MCF2L: variants seen among roughly 807,000 people sequenced by gnomAD.
The protein encoded by MCF2L is MCF.2 cell line derived transforming sequence like, also known as guanine nucleotide exchange factor DBS.
A neutral mutation model predicts 153.4 loss-of-function variants in MCF2L; 97 were observed. The observed-to-expected ratio is 0.63, with a 90% CI of 0.54 to 0.75. The LOEUF is 0.75. Among genes scored for constraint, MCF2L ranks in the 30% least tolerant of loss-of-function variants. The pLI is 0.00. For synonymous variants in MCF2L, 659 were observed against 632.2 expected (o/e 1.04, Z -0.64); for missense variants, 1,347 against 1,495.2 (o/e 0.90, Z 1.64).
chr13:113,095,168 G>A (rs936375650), intron 27 of MCF2L: 2 of 1,256,976 alleles, frequency 1.6e-6, no homozygotes, highest in Non-Finnish European at 2.1e-6. Flanking sequence ...AATGTCAGAA[G>A]CAAGAAAAAG....
In MCF2L at chr13:113,011,942, G is replaced by A. The variant is rs1412022855; in HGVS notation, c.80-2821G>A. On this transcript the variant is annotated intron_variant, in intron 1 of 29. Coordinates refer to ENST00000535094, the MANE Select transcript of MCF2L (RefSeq NM_001112732.3). ...CGGACGGTGGACAGGCGGTGTGGAT[G>A]GTGGACAGGCGGTGTGGACGGTGGA... is the stretch of plus-strand genomic sequence containing the variant. 5.9e-5 allele frequency among the ~76,000 whole-genome samples: 7 copies of A among 117,780 alleles called. 1 individual carries two copies. The highest frequency in any genetic ancestry group is 1.1e-4 in the Non-Finnish European group (6 of 53,262). 77.3% of individuals were successfully genotyped at this position (117,780 alleles called of 152,430 possible).
intron 3 of MCF2L, chr13:113,026,862 TC>T: frequency 2.8e-6 from 2 of 727,158 alleles, no homozygotes; most frequent in Non-Finnish European, 5.1e-6. Flanking sequence ...GTTCTGTGTC[TC>T]CCCAGCGGCG....
At chr13:113,041,548 C>T (rs1040927341) in intron 3 of MCF2L, among the ~76,000 whole-genome samples, 5 of 151,550 alleles carry the variant, frequency 3.3e-5, no homozygotes, top group Admixed American at 1.3e-4. Flanking sequence ...GCCCTGCCCC[C>T]ATGACCACAG....
At chr13:112,988,515 C>A (rs1159673159) in intron 1 of MCF2L, among the ~76,000 whole-genome samples, 1 of 150,496 alleles carries the variant, frequency 6.6e-6, no homozygotes, top group South Asian at 2.1e-4. Flanking sequence ...GGAGCTACCA[C>A]ACCCGAGTCC....
intron 2 of MCF2L, chr13:112,917,670 C>A (rs534310397): frequency 6.0e-6 from 1 of 166,736 alleles, no homozygotes; most frequent in South Asian, 1.6e-4. Context: ...GGCCGCAGTT[C>A]CCCCTGATGT....
intron 2 of MCF2L, among the ~76,000 whole-genome samples, chr13:112,919,415 C>T (rs1284720575): frequency 2.0e-5 from 3 of 151,846 alleles, no homozygotes; most frequent in African/African-American, 7.3e-5. Context: ...CCGTTTTAGC[C>T]GGGATGCTCT....
intron 2 of MCF2L, among the ~76,000 whole-genome samples, chr13:112,962,183 A>C (rs1259319144): frequency 6.6e-6 from 1 of 150,930 alleles, no homozygotes; most frequent in Admixed American, 6.6e-5. Flanking sequence ...ATGCACACAC[A>C]CGCATGCACA....
chr13:112,919,760 C>T (rs1238753331), intron 2 of MCF2L, among the ~76,000 whole-genome samples: 1 of 152,088 alleles, frequency 6.6e-6, no homozygotes, highest in Admixed American at 6.5e-5. Flanking sequence ...CTCTTGATAA[C>T]AGTATTCATT....
chr13:112,972,857 A>T (rs867070348), intron 1 of MCF2L, among the ~76,000 whole-genome samples: 3 of 19,102 alleles, frequency 1.6e-4, no homozygotes, highest in African/African-American at 3.8e-4. Context: ...GGATGGATGG[A>T]TGGATGAGCA....
At position 112,984,825 on chromosome 13, in the gene MCF2L, C is replaced by T. The variant is rs181271180; in HGVS notation, c.79+15367C>T. Among the ~76,000 whole-genome samples, 9 of 152,288 alleles carry T rather than the reference C, an allele frequency of 5.9e-5. No individual in the cohort carries two copies. The East Asian group carries it at 1.5e-3, about 26-fold the overall frequency. Reference sequence around the variant, plus strand: ...GGAGAGGGCGTCAGGATGCAGGTCCCGGTGTCTCTGTGCAGCTCATCCTCC... The same window carrying T: ...GGAGAGGGCGTCAGGATGCAGGTCCTGGTGTCTCTGTGCAGCTCATCCTCC... On this transcript the variant is annotated intron_variant, in intron 1 of 29. Coordinates refer to ENST00000535094, the MANE Select transcript of MCF2L (RefSeq NM_001112732.3).
At chr13:112,974,567 A>G (rs2082154492) in intron 1 of MCF2L, among the ~76,000 whole-genome samples, 1 of 152,208 alleles carries the variant, frequency 6.6e-6, no homozygotes, top group Non-Finnish European at 1.5e-5. Flanking sequence ...TTGATCATCA[A>G]TACCAGCTGA....
At chr13:113,061,736 CCT>C in intron 5 of MCF2L, among the ~76,000 whole-genome samples, 1 of 96,692 alleles carries the variant, frequency 1.0e-5, no homozygotes, top group East Asian at 4.2e-4. Context: ...CCCTCCCCTC[CCT>C]CTTCCCTTTC....
chr13:112,900,819 G>A (rs2081112790), intron 1 of MCF2L, among the ~76,000 whole-genome samples: 1 of 152,172 alleles, frequency 6.6e-6, no homozygotes, highest in Non-Finnish European at 1.5e-5. Context: ...TGCTCTCCAG[G>A]GCCGGGCATT....
At chr13:113,036,369 A>G (rs544394862) in intron 3 of MCF2L, among the ~76,000 whole-genome samples, 1 of 152,184 alleles carries the variant, frequency 6.6e-6, no homozygotes, top group Non-Finnish European at 1.5e-5. Flanking sequence ...TTTCTTTATG[A>G]ATGTGTTGGG....
intron 15 of MCF2L, 48 bp from the exon 16 acceptor site, chr13:113,081,165 G>A: frequency 1.3e-6 from 2 of 1,483,864 alleles, no homozygotes; most frequent in Non-Finnish European, 1.8e-6. Context: ...GACCATTCCT[G>A]CTCTCCCAGT....
In MCF2L at chr13:112,969,506, C is replaced by A; in HGVS notation, c.79+48C>A. The A allele has an allele frequency of 6.5e-7, 1 of 1,548,662 alleles. No individual in the cohort carries two copies. The highest frequency in any genetic ancestry group is 8.7e-7 in the Non-Finnish European group (1 of 1,145,664). On this transcript the variant is annotated intron_variant, in intron 1 of 29. Transcript: ENST00000535094. This position sits in a 1 kb window ranked among gnomAD's most constrained non-coding sequence, Gnocchi z 4.8. ...AGTGATCTGTGCTTAAGCTTGACAT[C>A]ATGGGCTGAAATGTGGGGAAATGCG...
At chr13:113,072,842 G>A (rs1594930855) in intron 9 of MCF2L, among the ~76,000 whole-genome samples, 2 of 152,070 alleles carry the variant, frequency 1.3e-5, no homozygotes, top group Admixed American at 1.3e-4. Flanking sequence ...CAGTTTCATT[G>A]ATTTCTGATC....
intron 3 of MCF2L, among the ~76,000 whole-genome samples, chr13:113,038,413 T>C (rs1424665142): frequency 6.8e-6 from 1 of 147,560 alleles, no homozygotes; most frequent in Non-Finnish European, 1.5e-5. Flanking sequence ...TGCAGTGAGC[T>C]GATATCGCGC....
At chr13:112,897,993 G>A (rs61961618) in intron 1 of MCF2L, among the ~76,000 whole-genome samples, 4,014 of 152,234 alleles carry the variant, frequency 0.026, 130 homozygotes, top group Middle Eastern at 0.031. Context: ...CCCCGGCCCC[G>A]GCCCCGGCCC....
Sources: gnomAD v4.1 joint callset for allele counts (sites outside exome capture counted in the v4.1 genomes callset) on GRCh38, gnomAD v4.1.1 for gene constraint, Gnocchi (gnomAD v3.1) non-coding constraint, MANE v1.5 for transcripts, NCBI Gene and HGNC (gene_info 2026-07-23, HGNC 2026-07-21) for gene names.